Variants in C3orf22 observed in about 807,000 individuals in gnomAD.
The protein encoded by C3orf22 is uncharacterized protein C3orf22.
C3orf22 carries 7 observed loss-of-function variants against 10.8 expected under a neutral mutation model. The ratio of observed to expected loss-of-function variants is 0.65; its 90% confidence interval spans 0.37 to 1.22. C3orf22 has a LOEUF of 1.22. Ranked by LOEUF, C3orf22 falls within the 50% of genes most tolerant of loss-of-function variation. The probability of loss-of-function intolerance (pLI) is 0.02; values close to 1 mark genes in which losing one functional copy is unlikely to be tolerated. For missense variants in C3orf22, 173 were observed against 177.0 expected (o/e 0.98, Z 0.13); for synonymous variants, 79 against 78.9 (o/e 1.00, Z 0.00).
intron 4 of C3orf22, among the ~76,000 whole-genome samples, chr3:126,532,762 C>T (rs1210895297): frequency 6.6e-6 from 1 of 152,170 alleles, no homozygotes; most frequent in Non-Finnish European, 1.5e-5. Context: ...CCTTCACTTT[C>T]CACAAGAATT....
At chr3:126,540,901 C>T (rs1936943648) in intron 4 of C3orf22, among the ~76,000 whole-genome samples, 1 of 152,194 alleles carries the variant, frequency 6.6e-6, no homozygotes, top group South Asian at 2.1e-4. Context: ...CCTGAAGGCT[C>T]TTAATGTAAT....
intron 4 of C3orf22, chr3:126,529,493 C>G (rs996345722): frequency 1.1e-6 from 1 of 887,718 alleles, no homozygotes; most frequent in Admixed American, 3.1e-5. Context: ...CTGTTTCTGG[C>G]ACAGCAAGGA....
chr3:126,541,224 G>A (rs2107573189), intron 4 of C3orf22, among the ~76,000 whole-genome samples: 1 of 152,302 alleles, frequency 6.6e-6, no homozygotes, highest in African/African-American at 2.4e-5. Context: ...AGAATTTGCT[G>A]GGGGAATAAA....
chr3:126,541,708 C>A, intron 4 of C3orf22: 2 of 1,429,446 alleles, frequency 1.4e-6, no homozygotes, highest in South Asian at 1.5e-5. Context: ...ACGCGTCCCC[C>A]TGTCCCGTCT....
chr3:126,535,988 G>A (rs553039144), intron 4 of C3orf22, among the ~76,000 whole-genome samples: 2 of 152,326 alleles, frequency 1.3e-5, no homozygotes, highest in East Asian at 3.9e-4. Context: ...TTGGTGGGCT[G>A]GGTATCACCT....
intron 4 of C3orf22, chr3:126,536,462 C>A: frequency 1.3e-6 from 1 of 784,738 alleles, no homozygotes; most frequent in Non-Finnish European, 2.1e-6. Flanking sequence ...CACTGGGGCA[C>A]AGAAGGGCAT....
rs185111386 is a variant in C3orf22 at position 126,550,975 on chromosome 3, G to A, written c.216-897C>T. ...GAGCTCTCAGAGCCCAGCCCTGGCCGCTAAGCCCCATTGCTTCAGCTCGGC... is the reference window on the plus strand; with the variant it reads ...GAGCTCTCAGAGCCCAGCCCTGGCCACTAAGCCCCATTGCTTCAGCTCGGC... On this transcript the variant is annotated intron_variant, in intron 3 of 3. Transcript: ENST00000318225. 5.2e-4 allele frequency among the ~76,000 whole-genome samples: 79 copies of A among 152,348 alleles called. 1 individual carries two copies. The East Asian group carries it at 8.1e-3, about 16-fold the overall frequency.
intron 2 of C3orf22, among the ~76,000 whole-genome samples, chr3:126,552,911 G>A (rs1418227644): frequency 2.6e-5 from 4 of 152,242 alleles, no homozygotes; most frequent in Admixed American, 6.5e-5. Context: ...TGGAGACTTG[G>A]CCCAGGCCCC....
At chr3:126,553,189 G>A (rs1432067098) in intron 2 of C3orf22, 113 bp downstream of exon 2, 4 of 814,780 alleles carry the variant, frequency 4.9e-6, no homozygotes, top group Non-Finnish European at 8.6e-6. Context: ...GGGTCTCCCT[G>A]TGGACAAAAC....
intron 3 of C3orf22, 32 bp from the exon 4 acceptor site, chr3:126,550,110 TTCAGGA>T: frequency 6.2e-7 from 1 of 1,609,702 alleles, no homozygotes; most frequent in Non-Finnish European, 8.5e-7. Flanking sequence ...ACGCCTGGCC[TTCAGGA>T]CCCCTGCTGG....
At chr3:126,527,181 C>T (rs1660446196) in exon 6 of C3orf22, 1 of 152,376 alleles carries the variant, frequency 6.6e-6, no homozygotes, top group Non-Finnish European at 1.5e-5. Context: ...CCAGGTGGGC[C>T]TCTGCATCCC....
chr3:126,535,700 A>G (rs1028936014), intron 4 of C3orf22, among the ~76,000 whole-genome samples: 1 of 152,268 alleles, frequency 6.6e-6, no homozygotes, highest in South Asian at 2.1e-4. Flanking sequence ...ATCTGGAGAT[A>G]GCTAAACCTG....
chr3:126,527,462 AC>A (rs1388195312), exon 6 of C3orf22: 1 of 152,284 alleles, frequency 6.6e-6, no homozygotes, highest in East Asian at 1.9e-4. Context: ...AGCAACTCCA[AC>A]CCAAAGCTAG....
chr3:126,551,366 C>T (rs1041597785), intron 3 of C3orf22, among the ~76,000 whole-genome samples: 2 of 152,234 alleles, frequency 1.3e-5, no homozygotes, highest in African/African-American at 4.8e-5. Context: ...CGGTGCCACA[C>T]AGCTGTTCCC....
chr3:126,557,110 A>T (rs1303524592), intron 1 of C3orf22, among the ~76,000 whole-genome samples: 1 of 152,110 alleles, frequency 6.6e-6, no homozygotes, highest in East Asian at 1.9e-4. Context: ...TCACACACAG[A>T]CACATACAGA....
chr3:126,539,632 C>T (rs1254017210), intron 4 of C3orf22, among the ~76,000 whole-genome samples: 2 of 143,450 alleles, frequency 1.4e-5, no homozygotes, highest in East Asian at 4.4e-4. Flanking sequence ...AGCACACACA[C>T]ACCCCACACA....
chr3:126,539,612 CCACACACACAG>C (rs1438126735), intron 4 of C3orf22, among the ~76,000 whole-genome samples: 1 of 142,430 alleles, frequency 7.0e-6, no homozygotes, highest in Non-Finnish European at 1.5e-5. Context: ...ACACTCCACA[CCACACACACAG>C]CACACACACA....
rs781528562 is a variant in C3orf22 at position 126,529,389 on chromosome 3, G to A, written c.287-17C>T. 3.1e-6 allele frequency: 4 copies of A among 1,289,126 alleles called. No homozygotes were observed. The African/African-American group carries it at 4.6e-5, about 15-fold the overall frequency. The allele number at this position is 1,289,126 out of a possible 1,614,324, so 79.9% of individuals were successfully genotyped here. On this transcript the variant is annotated splice_polypyrimidine_tract_variant and intron_variant and NMD_transcript_variant, in intron 4 of 5. Transcript: ENST00000505070. ...CCCACTTGCCTACGGATGCCGCAAG[G>A]GGGGACAGGTGTCAGGACAAGGGGG... is the stretch of plus-strand genomic sequence containing the variant.
intron 4 of C3orf22, among the ~76,000 whole-genome samples, chr3:126,541,565 C>T (rs1936956468): frequency 2.0e-5 from 3 of 152,206 alleles, no homozygotes; most frequent in South Asian, 2.1e-4. Context: ...GACAGATGCC[C>T]GGGCCCTAAA....
Sources: allele counts gnomAD v4.1 joint callset (sites outside exome capture counted in the v4.1 genomes callset), GRCh38; gene constraint gnomAD v4.1.1; transcripts MANE v1.5; gene names NCBI Gene and HGNC (gene_info 2026-07-23, HGNC 2026-07-21).